The following MAST4 variants were observed in gnomAD, a reference collection of about 807,000 sequenced individuals.
MAST4 encodes the protein microtubule-associated serine/threonine-protein kinase 4.
MAST4 carries 89 observed loss-of-function variants against 162.7 expected under a neutral mutation model. The ratio of observed to expected loss-of-function variants is 0.55; its 90% CI spans 0.46 to 0.65. The LOEUF (loss-of-function observed/expected upper bound fraction) is 0.65. Among genes scored for constraint, MAST4 ranks in the 30% least tolerant of loss-of-function variants. The pLI is 0.00. For missense variants in MAST4, 3,153 were observed against 3,374.0 expected (o/e 0.93, Z 1.62); for synonymous variants, 1,479 against 1,361.1 (o/e 1.09, Z -1.91).
intron 5 of MAST4, among the ~76,000 whole-genome samples, chr5:67,070,775 T>TC (rs1760860198): frequency 6.6e-6 from 1 of 152,114 alleles, no homozygotes. Flanking sequence ...AACAGTATGA[T>TC]AGCAAGATAG....
intron 4 of MAST4, among the ~76,000 whole-genome samples, chr5:66,934,793 A>G (rs1198953434): frequency 6.6e-6 from 1 of 152,156 alleles, no homozygotes; most frequent in African/African-American, 2.4e-5. Flanking sequence ...GGGGGAATTC[A>G]AAGGGTGGGG....
intron 4 of MAST4, among the ~76,000 whole-genome samples, chr5:67,016,788 T>A (rs1170734200): frequency 6.6e-6 from 1 of 152,220 alleles, no homozygotes; most frequent in East Asian, 1.9e-4. Context: ...TTTCCCTGTA[T>A]GTATTATAAA....
intron 4 of MAST4, among the ~76,000 whole-genome samples, chr5:66,908,397 C>G (rs1763525704): frequency 6.6e-6 from 1 of 151,922 alleles, no homozygotes; most frequent in African/African-American, 2.4e-5. Flanking sequence ...TGCCAAACAC[C>G]CTTGGGAATG....
chr5:67,111,428 G>T (rs529995890), intron 11 of MAST4, among the ~76,000 whole-genome samples: 2 of 152,072 alleles, frequency 1.3e-5, no homozygotes, highest in South Asian at 4.1e-4. Flanking sequence ...GAGGAGAAAG[G>T]TAGGGAGTTG....
chr5:67,166,984 A>T lies in MAST4; in HGVS notation c.7805A>T (p.Asp2602Val). ...CCCATCTCTCTTTCTAATGAGAAGG[A>T]CTTTGTGGTACGGCAGAGGCGGGGG... Reference protein sequence around the residue: ...DRPISLSNEKDFVVRQRRGKE... With the variant: ...DRPISLSNEKVFVVRQRRGKE... Residue 2602 changes from aspartate (D) to valine (V), a missense_variant, in exon 29 of 29, where the codon GAC becomes GTC. By Grantham distance (152) the Asp-to-Val change is radical. Coordinates refer to ENST00000403625, the MANE Select transcript of MAST4 (RefSeq NM_001164664.2). 1.2e-6 allele frequency: 2 copies of T among 1,611,724 alleles called. No individual in the cohort carries two copies. Among genetic ancestry groups the T allele is most frequent in the Non-Finnish European group, 1.7e-6 (2 of 1,179,392 alleles).
intron 5 of MAST4, among the ~76,000 whole-genome samples, chr5:67,068,946 C>T (rs1488637602): frequency 6.6e-6 from 1 of 151,882 alleles, no homozygotes; most frequent in Non-Finnish European, 1.5e-5. Flanking sequence ...AACTTCCTAA[C>T]CTTTGTAATA....
rs1041076010 is a variant in MAST4, at chr5:66,711,417, C to T, written c.364-48292C>T. The stretch of plus-strand genomic sequence containing the variant: ...CTCGACTTTTCCAGCTTCTGATGGC[C>T]GCCGAGATTCTTTGGCATGTGGCCC... On this transcript the variant is annotated intron_variant, in intron 1 of 28. Transcript: ENST00000403625. Among the ~76,000 whole-genome samples, 7 of 152,244 alleles carry T rather than the reference C, an allele frequency of 4.6e-5. No individual in the cohort carries two copies. The South Asian group carries it at 1.2e-3, about 27-fold the overall frequency.
intron 1 of MAST4, among the ~76,000 whole-genome samples, chr5:66,617,573 T>C (rs989555603): frequency 6.6e-6 from 1 of 152,178 alleles, no homozygotes; most frequent in Non-Finnish European, 1.5e-5. Context: ...GCGTAATTGC[T>C]GAGCTGTGCC....
chr5:67,159,133 T>C (rs1236144743), intron 26 of MAST4, among the ~76,000 whole-genome samples: 2 of 152,262 alleles, frequency 1.3e-5, no homozygotes, highest in Non-Finnish European at 2.9e-5. Context: ...GTAAAAATCA[T>C]GTTTTTAAAG....
intron 4 of MAST4, among the ~76,000 whole-genome samples, chr5:67,024,819 T>C (rs182256187): frequency 8.4e-4 from 124 of 147,880 alleles, no homozygotes; most frequent in African/African-American, 3.0e-3. Flanking sequence ...GTTCTTTCTT[T>C]TGGGGATCCC....
In MAST4 at chr5:66,620,480, A is replaced by G. The variant is rs1397785635; in HGVS notation, c.363+23462A>G. On this transcript the variant is annotated intron_variant, in intron 1 of 28. Transcript: ENST00000403625. ...TTATCTCTAATACTTGCCGTTAATA[A>G]TGGCATTGAACCCTAACTGATAGCC... Among the ~76,000 whole-genome samples, 3 of 152,186 alleles carry G rather than the reference A, an allele frequency of 2.0e-5. No individual in the cohort carries two copies. In the East Asian group the frequency reaches 5.8e-4, roughly 29 times the overall value.
At chr5:67,078,748 T>TTTATCTAAATATATA (rs1762029936) in intron 5 of MAST4, among the ~76,000 whole-genome samples, 3 of 133,156 alleles carry the variant, frequency 2.3e-5, no homozygotes, top group African/African-American at 8.4e-5. Flanking sequence ...AAATATATAT[T>TTTATCTAAATATATA]TATTTATATT....
chr5:67,114,286 A>T (rs1766618320), intron 12 of MAST4, 67 bp downstream of exon 12: 1 of 1,530,134 alleles, frequency 6.5e-7, no homozygotes, highest in Non-Finnish European at 8.8e-7. Context: ...AAGAAATCTA[A>T]GTGGCAAGTC....
chr5:66,717,734 C>T (rs1750930723), intron 1 of MAST4, among the ~76,000 whole-genome samples: 1 of 152,174 alleles, frequency 6.6e-6, no homozygotes, highest in Admixed American at 6.5e-5. Context: ...GTTCCCCCAC[C>T]CCTTGGCCTC....
At chr5:67,147,820 T>C (rs1456406810) in intron 23 of MAST4, among the ~76,000 whole-genome samples, 3 of 152,368 alleles carry the variant, frequency 2.0e-5, no homozygotes, top group Non-Finnish European at 1.5e-5. Context: ...GTTTAGCATA[T>C]AGGAGTAAAA....
chr5:66,889,487 T>C (rs1762241360), intron 3 of MAST4, among the ~76,000 whole-genome samples: 1 of 152,170 alleles, frequency 6.6e-6, no homozygotes, highest in African/African-American at 2.4e-5. Context: ...TTGATCTCCT[T>C]CTGCTAAAGT....
intron 4 of MAST4, among the ~76,000 whole-genome samples, chr5:66,997,077 A>G (rs1286314364): frequency 6.6e-6 from 1 of 152,184 alleles, no homozygotes; most frequent in Non-Finnish European, 1.5e-5. Flanking sequence ...ATTAATTTCC[A>G]TATCCACAAA....
At chr5:66,735,428 A>G (rs1306249294) in intron 1 of MAST4, among the ~76,000 whole-genome samples, 3 of 152,152 alleles carry the variant, frequency 2.0e-5, no homozygotes, top group Non-Finnish European at 4.4e-5. Context: ...GAACATATGT[A>G]TTTTGTCCTC....
At chr5:66,867,262 C>G (rs1241070613) in intron 3 of MAST4, among the ~76,000 whole-genome samples, 3 of 152,154 alleles carry the variant, frequency 2.0e-5, no homozygotes, top group African/African-American at 7.2e-5. Context: ...TAACTTATAC[C>G]TGATTTAAAG....
Sources: allele counts gnomAD v4.1 joint callset (sites outside exome capture counted in the v4.1 genomes callset), GRCh38; gene constraint gnomAD v4.1.1; transcripts MANE v1.5; gene names NCBI Gene and HGNC (gene_info 2026-07-23, HGNC 2026-07-21).